TBX2: variants seen among roughly 807,000 people sequenced by gnomAD.
TBX2 encodes T-box transcription factor 2.
In TBX2, 19 loss-of-function variants were observed where a neutral mutation model predicts 48.4. The ratio of observed to expected loss-of-function variants is 0.39; its 90% CI spans 0.27 to 0.58. The LOEUF is 0.58. TBX2 is among the 20% of genes least tolerant of loss of function. TBX2 has a pLI of 0.54. For missense variants in TBX2, 994 were observed against 1,006.5 expected, an observed-to-expected ratio of 0.99 and a Z score of 0.17; for synonymous variants, 522 against 459.7, an observed-to-expected ratio of 1.14 and a Z score of -1.73.
rs940953267 is a variant in TBX2, at chr17:61,403,265, G to T, written c.810+58G>T. ...CACTGACGCCCCTCAACACGTGCAG[G>T]CCCAACCGTCCGTTCATCGCCCCTC... is the stretch of plus-strand genomic sequence containing the variant. On this transcript the variant is annotated intron_variant, in intron 3 of 6. Transcript: ENST00000240328. The surrounding 1 kb of genome is among the most constrained non-coding windows in gnomAD (Gnocchi z 5.8). The T allele has an allele frequency of 2.5e-6, 4 of 1,585,066 alleles. No individual in the cohort carries two copies. In the African/African-American group the frequency reaches 5.4e-5, roughly 21 times the overall value.
chr17:61,401,541 A>C, intron 1 of TBX2, 143 bp from the exon 2 acceptor site: 1 of 1,187,308 alleles, frequency 8.4e-7, no homozygotes, highest in Non-Finnish European at 1.1e-6. Flanking sequence ...GGCAGTGATG[A>C]GAGGGCAGAG....
intron 1 of TBX2, 86 bp from the exon 2 acceptor site, chr17:61,401,598 G>A (rs979558862): frequency 5.3e-6 from 8 of 1,504,514 alleles, no homozygotes; most frequent in South Asian, 2.6e-5. Context: ...TGTGCGCAAC[G>A]AGGAGGGATA....
chr17:61,405,022 G>T, intron 5 of TBX2, 180 bp from the exon 6 acceptor site: 1 of 1,365,944 alleles, frequency 7.3e-7, no homozygotes, highest in Non-Finnish European at 1.0e-6. Context: ...CCTCTCCAGG[G>T]CTGGGTTCCT....
Position 61,408,070 on chromosome 17 carries a change from C to T in TBX2, c.1703C>T (p.Thr568Ile). 1.3e-6 allele frequency: 2 copies of T among 1,588,016 alleles called. No homozygotes were observed. The highest frequency in any genetic ancestry group is 1.7e-6 in the Non-Finnish European group (2 of 1,168,256). The change falls in exon 7 of 7, where the codon ACT becomes ATT. Residue 568 changes from threonine to isoleucine, a missense_variant. Physicochemically the swap from Thr to Ile is moderately conservative, Grantham distance 89. Coordinates refer to ENST00000240328, the MANE Select transcript of TBX2 (RefSeq NM_005994.4). Reference protein sequence around the residue: ...MLASQGIPMPTFGGLFPYPYT... With the variant: ...MLASQGIPMPIFGGLFPYPYT... The stretch of plus-strand genomic sequence containing the variant: ...TTCTTCCAGGGAATTCCAATGCCCA[C>T]TTTCGGAGGCCTCTTCCCCTACCCC...
Position 61,405,245 on chromosome 17 carries a change from G to T in TBX2, c.1095G>T (p.Glu365Asp). The change falls in exon 6 of 7, where the codon GAG becomes GAT. Residue 365 changes from glutamate to aspartate, a missense_variant. This residue lies in a region of TBX2 where 639 missense variants were observed against 613.2 expected (regional missense o/e 1.04). Transcript: ENST00000240328. ...CCGCGGACAGCGACCCGGAGCCTGA[G>T]CGGTTGAGCGAGGAGCGTGCGGGGG... ...SCAADSDPEP[E>D]RLSEERAGAP... 4 of 1,571,672 alleles carry T rather than the reference G, an allele frequency of 2.5e-6. No homozygotes were observed. The highest frequency in any genetic ancestry group is 8.6e-7 in the Non-Finnish European group (1 of 1,167,034).
Position 61,405,717 on chromosome 17 carries a change from G to A in TBX2, c.1567G>A (p.Gly523Ser). Residue 523 changes from glycine (G) to serine (S), a missense_variant, in exon 6 of 7, where the codon GGT becomes AGT. Physicochemically the swap from Gly to Ser is moderately conservative, Grantham distance 56 (BLOSUM62 0). Transcript: ENST00000240328. Reference protein sequence around the residue: ...ASVAGGGNGGGGGPGTAAGLD... With the variant: ...ASVAGGGNGGSGGPGTAAGLD... Reference sequence around the variant, plus strand: ...GGTGGCAGGCGGCGGCAACGGCGGAGGTGGCGGGCCTGGGACCGCCGCGGG... The same window carrying A: ...GGTGGCAGGCGGCGGCAACGGCGGAAGTGGCGGGCCTGGGACCGCCGCGGG... 7.3e-7 allele frequency: 1 copy of A among 1,375,092 alleles called. No homozygotes were observed. Among genetic ancestry groups the A allele is most frequent in the Non-Finnish European group, 9.3e-7 (1 of 1,069,904 alleles). 85.2% of individuals were successfully genotyped at this position (1,375,092 alleles called of 1,614,324 possible).
chr17:61,402,169 G>A (rs1168776266), intron 2 of TBX2, among the ~76,000 whole-genome samples: 1 of 152,202 alleles, frequency 6.6e-6, no homozygotes, highest in East Asian at 1.9e-4. Context: ...GGGGTCAGTG[G>A]CTGGCAGCTC....
In TBX2 at chr17:61,400,522, G is replaced by A. The variant is rs746678515; in HGVS notation, c.346G>A (p.Asp116Asn). 3.4e-5 allele frequency: 54 copies of A among 1,593,584 alleles called. No homozygotes were observed. The highest frequency in any genetic ancestry group is 4.6e-5 in the Non-Finnish European group (54 of 1,171,014). ...KVTLEAKELW[D>N]QFHKLGTEMV... The stretch of plus-strand genomic sequence containing the variant: ...GACGCTGGAGGCCAAGGAGCTGTGG[G>A]ACCAGTTCCACAAGCTAGGCACGGA... Residue 116 changes from aspartate to asparagine, a missense_variant, in exon 1 of 7, where the codon GAC becomes AAC. Around this residue, in one of 5 missense-constraint regions of TBX2, gnomAD observed 23 missense variants for 46.9 expected, o/e 0.49. Coordinates refer to ENST00000240328, the MANE Select transcript of TBX2 (RefSeq NM_005994.4). The surrounding 1 kb of genome is among the most constrained non-coding windows in gnomAD (Gnocchi z 9.2).
At position 61,400,891 on chromosome 17, in the gene TBX2, C is replaced by T. The variant is rs1334913855; in HGVS notation, c.395+320C>T. ...GCTTGGCCCTGGCGGTCTCCTCCGC[C>T]CCGCGCTCTCGCTCTTCTGCGTCCG... is the stretch of plus-strand genomic sequence containing the variant. On this transcript the variant is annotated intron_variant, in intron 1 of 6. Transcript: ENST00000240328. This position sits in a 1 kb window ranked among gnomAD's most constrained non-coding sequence, Gnocchi z 9.2. Among the ~76,000 whole-genome samples, 3 of 152,234 alleles carry T rather than the reference C, an allele frequency of 2.0e-5. No homozygotes were observed. In the East Asian group the frequency reaches 5.8e-4, roughly 29 times the overall value.
At position 61,405,825 on chromosome 17, in the gene TBX2, C is replaced by G. The variant is rs766360652; in HGVS notation, c.1675C>G (p.Leu559Val). ...PFPFHLSQHM[L>V]ASQGIPMPTF... Reference sequence around the variant, plus strand: ...CCCGTTCCACCTCTCCCAGCACATGCTGGCATCTCAGGTAAGGCCTGTGAC... The same window carrying G: ...CCCGTTCCACCTCTCCCAGCACATGGTGGCATCTCAGGTAAGGCCTGTGAC... Residue 559 changes from leucine (L) to valine (V), a missense_variant, in exon 6 of 7, where the codon CTG becomes GTG. This residue lies in a region of TBX2 where 639 missense variants were observed against 613.2 expected (regional missense o/e 1.04). Transcript: ENST00000240328. 7.6e-7 allele frequency: 1 copy of G among 1,319,318 alleles called. No homozygotes were observed. The highest frequency in any genetic ancestry group is 3.3e-5 in the Admixed American group (1 of 30,110). 81.7% of individuals were successfully genotyped at this position (1,319,318 alleles called of 1,614,324 possible). A position where few individuals can be genotyped will look rare whatever the true frequency, so the allele number is the denominator to read the frequency against.
chr17:61,402,944 G>GAT (rs2060269892), intron 2 of TBX2, 117 bp from the exon 3 acceptor site: 1 of 998,946 alleles, frequency 1.0e-6, no homozygotes, highest in Non-Finnish European at 1.3e-6. Context: ...GAGAGAGAGA[G>GAT]AGAGAGAGAG....
chr17:61,402,634 C>A (rs2060268490), intron 2 of TBX2, among the ~76,000 whole-genome samples: 1 of 152,032 alleles, frequency 6.6e-6, no homozygotes, highest in Non-Finnish European at 1.5e-5. Flanking sequence ...AGGGGGTTTA[C>A]CAGTGCCAGA....
intron 6 of TBX2, chr17:61,407,248 T>G (rs760927881): frequency 6.6e-6 from 1 of 152,206 alleles, no homozygotes; most frequent in Non-Finnish European, 1.5e-5. Flanking sequence ...AAGCTGCCTC[T>G]TTTCTTCTTC....
Position 61,406,061 on chromosome 17 carries a change from C to G in TBX2, c.1686+225C>G. ...TGGCCAGGGCGCCGCTTCTGACTCC[C>G]GTGTGACCTTTGGCAAGTCCCTGAC... On this transcript the variant is annotated intron_variant, in intron 6 of 6. Transcript: ENST00000240328. This position sits in a 1 kb window ranked among gnomAD's most constrained non-coding sequence, Gnocchi z 5.7. 4.8e-6 allele frequency: 2 copies of G among 415,014 alleles called. No individual in the cohort carries two copies. The highest frequency in any genetic ancestry group is 4.1e-6 in the Non-Finnish European group (1 of 245,466). The allele number at this position is 415,014 out of a possible 1,614,324, so 25.7% of individuals were successfully genotyped here. A position where few individuals can be genotyped will look rare whatever the true frequency, so the allele number is the denominator to read the frequency against.
intron 1 of TBX2, 42 bp from the exon 2 acceptor site, chr17:61,401,642 C>G (rs765117325): frequency 2.5e-6 from 4 of 1,582,232 alleles, no homozygotes; most frequent in Middle Eastern, 1.7e-4. Context: ...GAACCTAGAA[C>G]AGCCGGTTCC....
chr17:61,401,191 C>A (rs1380936751), intron 1 of TBX2, among the ~76,000 whole-genome samples: 2 of 152,200 alleles, frequency 1.3e-5, no homozygotes, highest in South Asian at 2.1e-4. Flanking sequence ...CACCGAGAAT[C>A]CAGGCCTCGG....
intron 6 of TBX2, 95 bp from the exon 7 acceptor site, chr17:61,407,959 C>A: frequency 6.9e-7 from 1 of 1,439,122 alleles, no homozygotes; most frequent in East Asian, 2.3e-5. Context: ...ATCCCTAAAA[C>A]AGAAGGGCAC....
Position 61,401,698 on chromosome 17 carries a change from C to T in TBX2, c.410C>T (p.Pro137Leu), listed in dbSNP as rs771628572. Residue 137 changes from proline to leucine, a missense_variant, in exon 2 of 7, where the codon CCC becomes CTC. Transcript: ENST00000240328. ...ITKSGRRMFP[P>L]FKVRVSGLDK... Reference sequence around the variant, plus strand: ...CTCCCTCCCAGGCGGATGTTCCCCCCCTTCAAGGTGCGAGTCAGCGGCCTG... The same window carrying T: ...CTCCCTCCCAGGCGGATGTTCCCCCTCTTCAAGGTGCGAGTCAGCGGCCTG... 3.7e-6 allele frequency: 6 copies of T among 1,612,344 alleles called. No homozygotes were observed. Among genetic ancestry groups the T allele is most frequent in the South Asian group, 2.2e-5 (2 of 91,032 alleles).
chr17:61,401,935 C>A lies in TBX2; in HGVS notation c.647C>A (p.Ser216Tyr). Residue 216 changes from serine to tyrosine, a missense_variant, in exon 2 of 7, where the codon TCT becomes TAT. This residue lies in a region of TBX2 where 153 missense variants were observed against 166.2 expected (regional missense o/e 0.92). Coordinates refer to ENST00000240328, the MANE Select transcript of TBX2 (RefSeq NM_005994.4). ...FHKLKLTNNI[S>Y]DKHGFTILNS... ...AAGCTGAAGCTGACCAACAACATCT[C>A]TGACAAGCACGGCTTCGTGAGTGTT... 1 of 1,602,410 alleles carries A rather than the reference C, an allele frequency of 6.2e-7. No homozygotes were observed. Among genetic ancestry groups the A allele is most frequent in the South Asian group, 1.1e-5 (1 of 90,098 alleles).
Sources: allele counts gnomAD v4.1 joint callset (sites outside exome capture counted in the v4.1 genomes callset), GRCh38; gene constraint gnomAD v4.1.1; regional missense constraint gnomAD v4.1.1; non-coding constraint Gnocchi (gnomAD v3.1); transcripts MANE v1.5; gene names NCBI Gene and HGNC (gene_info 2026-07-23, HGNC 2026-07-21).